Variants in LRP1B observed in about 807,000 individuals in gnomAD.
LRP1B encodes low-density lipoprotein receptor-related protein 1B.
LRP1B carries 217 observed loss-of-function variants against 556.6 expected under a neutral mutation model. That is an observed-to-expected ratio of 0.39 (90% CI 0.35 to 0.44). The LOEUF (loss-of-function observed/expected upper bound fraction) is 0.44, where lower values mean the gene tolerates loss of function less well. Among genes scored for constraint, LRP1B ranks in the 20% least tolerant of loss-of-function variants. The pLI is 1.00. For synonymous variants in LRP1B, 2,047 were observed against 1,865.8 expected (o/e 1.10, Z -2.50); for missense variants, 5,053 against 5,620.8 (o/e 0.90, Z 3.23).
intron 75 of LRP1B, among the ~76,000 whole-genome samples, chr2:140,354,478 T>A (rs1380988652): frequency 9.9e-5 from 15 of 152,084 alleles, no homozygotes; most frequent in Non-Finnish European, 1.9e-4. Flanking sequence ...ATAAATATTT[T>A]ACAGGAATGA....
At chr2:141,657,183 T>A (rs1690044792) in intron 2 of LRP1B, among the ~76,000 whole-genome samples, 1 of 152,088 alleles carries the variant, frequency 6.6e-6, no homozygotes, top group Non-Finnish European at 1.5e-5. Context: ...TGTATTTAGT[T>A]AACAATGCAA....
intron 1 of LRP1B, among the ~76,000 whole-genome samples, chr2:141,831,898 T>C (rs1236503358): frequency 1.3e-5 from 2 of 151,756 alleles, no homozygotes; most frequent in Non-Finnish European, 1.5e-5. Flanking sequence ...AGTGGTTTCA[T>C]TGCTCAAGCC....
chr2:141,603,425 G>C (rs1253842548), intron 2 of LRP1B, among the ~76,000 whole-genome samples: 1 of 152,074 alleles, frequency 6.6e-6, no homozygotes, highest in Non-Finnish European at 1.5e-5. Context: ...GTTCTCCTTG[G>C]AGATTTATGT....
At chr2:141,191,767 C>T (rs1031340350) in intron 6 of LRP1B, among the ~76,000 whole-genome samples, 3 of 150,216 alleles carry the variant, frequency 2.0e-5, no homozygotes, top group Non-Finnish European at 4.4e-5. Flanking sequence ...GTATGGTTTG[C>T]TTTGTTTTTG....
chr2:142,022,994 A>G (rs1703389520), intron 1 of LRP1B, among the ~76,000 whole-genome samples: 1 of 152,130 alleles, frequency 6.6e-6, no homozygotes, highest in Admixed American at 6.6e-5. Flanking sequence ...TAATTTTATA[A>G]TGCTGTGTCT....
intron 79 of LRP1B, among the ~76,000 whole-genome samples, chr2:140,328,442 C>T (rs908872838): frequency 4.0e-5 from 6 of 150,734 alleles, no homozygotes; most frequent in African/African-American, 1.5e-4. Flanking sequence ...CTACTAGTTC[C>T]CCAATTTCCA....
chr2:142,078,011 C>A (rs1437868749), intron 1 of LRP1B, among the ~76,000 whole-genome samples: 1 of 152,100 alleles, frequency 6.6e-6, no homozygotes, highest in Non-Finnish European at 1.5e-5. Flanking sequence ...GCCTGAAACA[C>A]CACTTTTTCT....
chr2:142,055,369 C>G (rs1704631483), intron 1 of LRP1B, among the ~76,000 whole-genome samples: 1 of 151,762 alleles, frequency 6.6e-6, no homozygotes, highest in Admixed American at 6.6e-5. Flanking sequence ...ATTGAATAGT[C>G]CAACATATTA....
Position 140,354,816 on chromosome 2 carries a change from C to T in LRP1B, c.11530+1526G>A, listed in dbSNP as rs183325017. On this transcript the variant is annotated intron_variant, in intron 75 of 90. Coordinates refer to ENST00000389484, the MANE Select transcript of LRP1B (RefSeq NM_018557.3). ...TTAATCCCCTTCTAATTTTCTTCCA[C>T]CATTCCTCTTTACTTTTTTCCCTTT... 2.2e-3 allele frequency among the ~76,000 whole-genome samples: 331 copies of T among 152,098 alleles called. 3 individuals are homozygous for T. Among genetic ancestry groups the T allele is most frequent in the Admixed American group, 7.2e-3 (109 of 15,202 alleles).
At position 140,998,324 on chromosome 2, in the gene LRP1B, T is replaced by A. The variant is rs72991771; in HGVS notation, c.2504-4189A>T. On this transcript the variant is annotated intron_variant, in intron 15 of 90. Transcript: ENST00000389484. ...AGAATTACTGTTTCTTTAGACAAAA[T>A]AATCTTGCTGGAGTTTTTGAAGTTG... is the stretch of plus-strand genomic sequence containing the variant. 4.8e-3 allele frequency among the ~76,000 whole-genome samples: 736 copies of A among 152,214 alleles called. 4 individuals are homozygous for A. The highest frequency in any genetic ancestry group is 0.016 in the African/African-American group (645 of 41,566).
intron 35 of LRP1B, among the ~76,000 whole-genome samples, chr2:140,766,859 T>TTATATATATATA (rs1689136390): frequency 6.0e-5 from 3 of 50,214 alleles, no homozygotes; most frequent in African/African-American, 1.4e-4. Context: ...TATATATATA[T>TTATATATATATA]ATATATAATA....
chr2:141,329,661 A>AACAAAAAAAAAAC (rs1687569159), intron 3 of LRP1B, among the ~76,000 whole-genome samples: 1 of 150,704 alleles, frequency 6.6e-6, no homozygotes, highest in African/African-American at 2.4e-5. Flanking sequence ...AAAAAAAAAA[A>AACAAAAAAAAAAC]AAAACTATCT....
intron 66 of LRP1B, among the ~76,000 whole-genome samples, chr2:140,394,783 G>C (rs1368893275): frequency 6.6e-6 from 1 of 152,130 alleles, no homozygotes. Flanking sequence ...GATAACCTAG[G>C]AAGGTCAATG....
intron 1 of LRP1B, among the ~76,000 whole-genome samples, chr2:141,951,960 A>G (rs1192705333): frequency 2.0e-5 from 3 of 151,116 alleles, no homozygotes; most frequent in Non-Finnish European, 4.4e-5. Context: ...CATCATTTAC[A>G]TTAGGTATTT....
At chr2:140,782,363 T>A (rs1361214047) in intron 32 of LRP1B, among the ~76,000 whole-genome samples, 1 of 152,144 alleles carries the variant, frequency 6.6e-6, no homozygotes, top group African/African-American at 2.4e-5. Context: ...TTAGGACGGA[T>A]CTTAATCCAG....
At chr2:140,960,120 T>A (rs563382195) in intron 18 of LRP1B, among the ~76,000 whole-genome samples, 97 of 151,908 alleles carry the variant, frequency 6.4e-4, no homozygotes, top group African/African-American at 2.2e-3. Context: ...CTGTGGTTGA[T>A]GTCCATTTAT....
rs201788814 is a variant in LRP1B, at chr2:141,240,355, A to AT, written c.592+6870dup. Reference sequence around the variant, plus strand: ...ATGCCTTGAAGTCTCTGAAAAATCAATTTTTTTTTCTTAAAAAATGTCAAA... The same window carrying AT: ...ATGCCTTGAAGTCTCTGAAAAATCAATTTTTTTTTTCTTAAAAAATGTCAAA... On this transcript the variant is annotated intron_variant, in intron 5 of 90. Transcript: ENST00000389484. Among the ~76,000 whole-genome samples, 168 of 132,904 alleles carry AT rather than the reference A, an allele frequency of 1.3e-3. 1 individual carries two copies. Among genetic ancestry groups the AT allele is most frequent in the Middle Eastern group, 3.8e-3 (1 of 260 alleles). The allele number at this position is 132,904 out of a possible 152,430, so 87.2% of individuals were successfully genotyped here. A position where few individuals can be genotyped will look rare whatever the true frequency, so the allele number is the denominator to read the frequency against.
At chr2:140,442,677 T>G in intron 65 of LRP1B, 54 bp from the exon 66 acceptor site, 4 of 1,564,190 alleles carry the variant, frequency 2.6e-6, no homozygotes, top group South Asian at 1.2e-5. Flanking sequence ...ATTTATTTAT[T>G]AAAAGCAAAT....
chr2:141,936,596 T>A (rs990008128), intron 1 of LRP1B, among the ~76,000 whole-genome samples: 1 of 152,210 alleles, frequency 6.6e-6, no homozygotes, highest in African/African-American at 2.4e-5. Flanking sequence ...CCTTGATCTG[T>A]AATATTTTGT....
Sources: gnomAD v4.1 joint callset for allele counts (sites outside exome capture counted in the v4.1 genomes callset) on GRCh38, gnomAD v4.1.1 for gene constraint, MANE v1.5 for transcripts, NCBI Gene and HGNC (gene_info 2026-07-23, HGNC 2026-07-21) for gene names.